The following PSG7 variants were observed in gnomAD, a reference collection of about 807,000 sequenced individuals.
PSG7 encodes pregnancy-specific beta-1-glycoprotein 7.
A neutral mutation model predicts 45.6 loss-of-function variants in PSG7; 57 were observed. That is an observed-to-expected ratio of 1.25 (90% CI 1.01 to 1.56). The LOEUF is 1.56. Ranked by LOEUF, PSG7 falls within the 40% of genes most tolerant of loss-of-function variation. PSG7 has a pLI of 0.00. For synonymous variants in PSG7, 298 were observed against 194.4 expected, an observed-to-expected ratio of 1.53 and a Z score of -4.43; for missense variants, 796 against 508.4, an observed-to-expected ratio of 1.57 and a Z score of -5.44.
chr19:42,931,840 C>G (rs866987633), intron 2 of PSG7, among the ~76,000 whole-genome samples: 1 of 151,420 alleles, frequency 6.6e-6, no homozygotes, highest in Non-Finnish European at 1.5e-5. Flanking sequence ...TTAAAAATTG[C>G]TATTGTCAAA....
At position 42,925,426 on chromosome 19, in the gene PSG7, T is replaced by C. The variant is rs115799916; in HGVS notation, c.1243+347A>G. The C allele has an allele frequency of 3.4e-3, 1,763 of 522,176 alleles. 57 individuals carry two copies. Among genetic ancestry groups the C allele is most frequent in the African/African-American group, 0.031 (1,620 of 51,838 alleles). 32.3% of individuals were successfully genotyped at this position (522,176 alleles called of 1,614,324 possible). On this transcript the variant is annotated intron_variant, in intron 5 of 5. Transcript: ENST00000406070. ...TTATTGAACCACTATAAGCTAGAGATAGATTAAAAGACAAATTTCCATAAA... is the reference window on the plus strand; with the variant it reads ...TTATTGAACCACTATAAGCTAGAGACAGATTAAAAGACAAATTTCCATAAA...
intron 2 of PSG7, 79 bp from the exon 3 acceptor site, chr19:42,929,799 A>C: frequency 2.0e-6 from 3 of 1,536,360 alleles, no homozygotes; most frequent in Non-Finnish European, 1.8e-6. Context: ...CAGAGTTGGC[A>C]TTTCCAACCT....
chr19:42,935,646 G>A lies in PSG7; in HGVS notation c.188C>T (p.Thr63Ile). The A allele has an allele frequency of 6.2e-7, 1 of 1,612,166 alleles. No homozygotes were observed. The highest frequency in any genetic ancestry group is 1.3e-5 in the African/African-American group (1 of 74,666). The change falls in exon 2 of 6, where the codon ACT becomes ATT. Residue 63 changes from threonine to isoleucine, a missense_variant. Thr to Ile is a moderately conservative substitution (Grantham distance 89, BLOSUM62 -1). Transcript: ENST00000406070. ...TTGTCCTTTGTACCAGATGTAGCCAGTAAGATTCTGGGGCAAATTGTGGAC... is the reference window on the plus strand; with the variant it reads ...TTGTCCTTTGTACCAGATGTAGCCAATAAGATTCTGGGGCAAATTGTGGAC... ...LLVHNLPQNL[T>I]GYIWYKGQIR...
intron 2 of PSG7, 32 bp from the exon 3 acceptor site, chr19:42,929,752 T>C: frequency 6.3e-7 from 1 of 1,599,634 alleles, no homozygotes; most frequent in Non-Finnish European, 8.5e-7. Flanking sequence ...GATTGCCCTG[T>C]GTGGCACCTT....
chr19:42,930,389 A>G (rs1972994439), intron 2 of PSG7, among the ~76,000 whole-genome samples: 1 of 151,588 alleles, frequency 6.6e-6, no homozygotes, highest in South Asian at 2.1e-4. Flanking sequence ...AATGACCTAC[A>G]AAGAGTGAAG....
intron 1 of PSG7, 146 bp from the exon 2 acceptor site, chr19:42,935,915 A>ACACAAAC (rs1568461441): frequency 7.7e-5 from 25 of 322,660 alleles, no homozygotes; most frequent in Middle Eastern, 1.0e-3. Context: ...CACACACACA[A>ACACAAAC]ACACACACAC....
chr19:42,926,362 G>C, intron 4 of PSG7, 76 bp downstream of exon 4: 1 of 1,589,224 alleles, frequency 6.3e-7, no homozygotes, highest in Non-Finnish European at 8.6e-7. Context: ...AGACTGAGAG[G>C]ACTGGCCTCT....
In PSG7 at chr19:42,931,066, G is replaced by A. The variant is rs1210976293; in HGVS notation, c.431-1346C>T. 1.1e-4 allele frequency among the ~76,000 whole-genome samples: 16 copies of A among 151,546 alleles called. 1 individual carries two copies. Among genetic ancestry groups the A allele is most frequent in the Admixed American group, 9.9e-4 (15 of 15,152 alleles). ...GGTTGAGTTTTGAGCATTTCAGATT[G>A]TGGATTTCTGGATTTGGGATGCTCA... On this transcript the variant is annotated intron_variant, in intron 2 of 5. Coordinates refer to ENST00000406070, the MANE Select transcript of PSG7 (RefSeq NM_002783.3).
intron 2 of PSG7, among the ~76,000 whole-genome samples, chr19:42,931,332 G>A (rs1328333795): frequency 1.4e-5 from 2 of 147,878 alleles, no homozygotes; most frequent in Non-Finnish European, 3.0e-5. Flanking sequence ...CTCAAAGAAA[G>A]ATGCCAAAGG....
chr19:42,924,588 A>G lies in PSG7; in HGVS notation c.*220T>C, dbSNP rs1972485579. 3.2e-6 allele frequency: 2 copies of G among 627,514 alleles called. No homozygotes were observed. The highest frequency in any genetic ancestry group is 5.7e-6 in the Non-Finnish European group (2 of 351,618). The allele number at this position is 627,514 out of a possible 1,614,324, so 38.9% of individuals were successfully genotyped here. On this transcript the variant is annotated 3_prime_UTR_variant, in exon 6 of 6. Transcript: ENST00000406070. Reference sequence around the variant, plus strand: ...CTTGGGAAAAGCTGTCCACAGTGTGAAGTCATCAACTTGTTTTCCTTGTTT... The same window carrying G: ...CTTGGGAAAAGCTGTCCACAGTGTGGAGTCATCAACTTGTTTTCCTTGTTT...
In PSG7 at chr19:42,935,588, A is replaced by C; in HGVS notation, c.246T>G (p.Tyr82Ter). The change falls in exon 2 of 6, where the codon TAT becomes TAG. Residue 82 changes from tyrosine (Y) to a stop codon, truncating the protein, a stop_gained. Coordinates refer to ENST00000406070, the MANE Select transcript of PSG7 (RefSeq NM_002783.3). LOFTEE classifies it high-confidence loss of function. ...IRDLYHYVTS[Y>*]IVDGQIIKYG... ...ATTTAATTATTTGACCGTCTACTAT[A>C]TATGATGTAACATAATGGTAGAGGT... 6.2e-7 allele frequency: 1 copy of C among 1,611,850 alleles called. No individual in the cohort carries two copies. Among genetic ancestry groups the C allele is most frequent in the Non-Finnish European group, 8.5e-7 (1 of 1,178,846 alleles).
rs1270097925 is a variant in PSG7 at position 42,934,365 on chromosome 19, C to T, written c.430+1039G>A. Among the ~76,000 whole-genome samples the T allele has an allele frequency of 1.3e-5, 2 of 151,424 alleles. 1 individual carries two copies. Among genetic ancestry groups the T allele is most frequent in the Middle Eastern group, 6.8e-3 (2 of 294 alleles). On this transcript the variant is annotated intron_variant, in intron 2 of 5. Transcript: ENST00000406070. ...AAATGAGTATGGGGTGCTTGGAACC[C>T]AGTAAGCCCTCACTTCTGGTGGAGG...
intron 3 of PSG7, 125 bp downstream of exon 3, chr19:42,929,317 A>C: frequency 6.3e-7 from 1 of 1,581,896 alleles, no homozygotes; most frequent in Non-Finnish European, 8.6e-7. Flanking sequence ...GGAAGTCACC[A>C]CCAGCTTTGA....
At chr19:42,929,408 C>T in intron 3 of PSG7, 34 bp downstream of exon 3, 1 of 1,611,862 alleles carries the variant, frequency 6.2e-7, no homozygotes, top group Non-Finnish European at 8.5e-7. Context: ...TTTGGGATGG[C>T]AGCCTGGCTA....
At chr19:42,926,072 AG>A (rs757122261) in intron 4 of PSG7, 45 bp from the exon 5 acceptor site, 3 of 1,600,854 alleles carry the variant, frequency 1.9e-6, no homozygotes, top group South Asian at 2.3e-5. Context: ...ATCCGAGGGA[AG>A]GGGATGCTCC....
chr19:42,926,009 C>A lies in PSG7; in HGVS notation c.1007G>T (p.Arg336Ile), dbSNP rs758592278. The A allele has an allele frequency of 6.2e-7, 1 of 1,611,946 alleles. No individual in the cohort carries two copies. Among genetic ancestry groups the A allele is most frequent in the South Asian group, 1.1e-5 (1 of 90,578 alleles). The change falls in exon 5 of 6, where the codon AGA becomes ATA. Residue 336 changes from arginine (R) to isoleucine (I), a missense_variant. Physicochemically the swap from Arg to Ile is moderately conservative, Grantham distance 97. Coordinates refer to ENST00000406070, the MANE Select transcript of PSG7 (RefSeq NM_002783.3). ...GTAATAGGTGAATGAAGGGTAAATT[C>A]TGGGGAGGTCTGGACCATCTGGAGG... ...LNVLYGPDLP[R>I]IYPSFTYYHS...
chr19:42,927,057 G>C, intron 3 of PSG7: 1 of 368,228 alleles, frequency 2.7e-6, no homozygotes, highest in Non-Finnish European at 4.9e-6. Context: ...TTCATTACCT[G>C]GAATGTGCAA....
At chr19:42,931,796 T>G (rs116534863) in intron 2 of PSG7, among the ~76,000 whole-genome samples, 2,494 of 151,630 alleles carry the variant, frequency 0.016, 125 homozygotes, top group African/African-American at 0.057. Context: ...AAGGGTATGT[T>G]ACAGCCTTTG....
At chr19:42,934,711 T>C (rs1973106952) in intron 2 of PSG7, among the ~76,000 whole-genome samples, 1 of 151,638 alleles carries the variant, frequency 6.6e-6, no homozygotes, top group African/African-American at 2.4e-5. Context: ...CTCTTCTGTT[T>C]CTGCTTCTGG....
Sources: allele counts gnomAD v4.1 joint callset (sites outside exome capture counted in the v4.1 genomes callset), GRCh38; gene constraint gnomAD v4.1.1; transcripts MANE v1.5; gene names NCBI Gene and HGNC (gene_info 2026-07-23, HGNC 2026-07-21).